The following BFSP2 variants were observed in gnomAD, a reference collection of about 807,000 sequenced individuals.
BFSP2 encodes phakinin.
In BFSP2, 38 loss-of-function variants were observed where a neutral mutation model predicts 44.9. The ratio of observed to expected loss-of-function variants is 0.85; its 90% CI spans 0.65 to 1.11. BFSP2 has a LOEUF of 1.11. Ranked by LOEUF, BFSP2 falls within the 50% of genes least tolerant of loss-of-function variation. The probability of loss-of-function intolerance (pLI) is 0.00; values close to 1 mark genes in which losing one functional copy is unlikely to be tolerated. For missense variants in BFSP2, 525 were observed against 533.0 expected (o/e 0.99, Z 0.15); for synonymous variants, 197 against 209.9 (o/e 0.94, Z 0.53).
intron 1 of BFSP2, among the ~76,000 whole-genome samples, chr3:133,446,582 A>AAAGGAGTT (rs2073900779): frequency 1.2e-4 from 1 of 8,360 alleles, no homozygotes; most frequent in African/African-American, 2.9e-4. Context: ...ATATATATAT[A>AAAGGAGTT]TATATATATA....
intron 1 of BFSP2, among the ~76,000 whole-genome samples, chr3:133,418,773 C>A (rs1417652193): frequency 1.3e-5 from 2 of 152,170 alleles, no homozygotes; most frequent in Non-Finnish European, 2.9e-5. Context: ...CCGTAAGACT[C>A]ATGAGGATAA....
chr3:133,437,406 C>T (rs1008866574), intron 1 of BFSP2, among the ~76,000 whole-genome samples: 4 of 151,790 alleles, frequency 2.6e-5, no homozygotes, highest in African/African-American at 7.3e-5. Context: ...ACCTGTAATC[C>T]CAGCTACCCA....
At chr3:133,448,398 A>G in intron 2 of BFSP2, 91 bp from the exon 3 acceptor site, 9 of 1,465,076 alleles carry the variant, frequency 6.1e-6, no homozygotes, top group South Asian at 4.7e-5. Flanking sequence ...TTGTCTAACT[A>G]TCACATAATT....
At chr3:133,423,734 GT>G (rs1423397804) in intron 1 of BFSP2, among the ~76,000 whole-genome samples, 5 of 152,098 alleles carry the variant, frequency 3.3e-5, no homozygotes, top group Admixed American at 6.6e-5. Flanking sequence ...CTCTGACCTG[GT>G]TCTCTTGGCA....
In BFSP2 at chr3:133,446,272, T is replaced by C. The variant is rs550781484; in HGVS notation, c.490-1045T>C. 1.1e-4 allele frequency among the ~76,000 whole-genome samples: 17 copies of C among 151,714 alleles called. No individual in the cohort carries two copies. The South Asian group carries it at 1.5e-3, about 13-fold the overall frequency. On this transcript the variant is annotated intron_variant, in intron 1 of 6. Coordinates refer to ENST00000302334, the MANE Select transcript of BFSP2 (RefSeq NM_003571.4). ...CCCATCTCTATTAAAAATACAAAAA[T>C]TAGCTGGGCGCAGTGGCACATGCCT...
intron 1 of BFSP2, among the ~76,000 whole-genome samples, chr3:133,409,227 G>GGTGTGTGTGTGTGTGTGTGTGT (rs56156448): frequency 4.7e-5 from 7 of 148,604 alleles, no homozygotes; most frequent in African/African-American, 1.5e-4. Context: ...TTCTGACACT[G>GGTGTGTGTGTGTGTGTGTGTGT]GTGTGTGTGT....
chr3:133,449,685 C>T (rs1576587355), intron 3 of BFSP2, among the ~76,000 whole-genome samples: 1 of 152,044 alleles, frequency 6.6e-6, no homozygotes, highest in East Asian at 1.9e-4. Context: ...CAAGACCAGC[C>T]TGGGCAACAT....
At position 133,451,004 on chromosome 3, in the gene BFSP2, G is replaced by A. The variant is rs987475080; in HGVS notation, c.891+540G>A. On this transcript the variant is annotated intron_variant, in intron 4 of 6. Transcript: ENST00000302334. ...CAGGTGCCTGTAGTCCCCGCTACTC[G>A]GGAGGCTGAGGCAGGAGAATGGTGT... Among the ~76,000 whole-genome samples, 117 of 151,876 alleles carry A rather than the reference G, an allele frequency of 7.7e-4. 1 individual carries two copies. The highest frequency in any genetic ancestry group is 2.8e-3 in the African/African-American group (116 of 41,406).
chr3:133,444,780 C>A lies in BFSP2; in HGVS notation c.490-2537C>A, dbSNP rs772851051. Reference sequence around the variant, plus strand: ...CCACCTACCCTATGATCACATCGTTCGTCCAGGCCACCATCATTAATAAAA... The same window carrying A: ...CCACCTACCCTATGATCACATCGTTAGTCCAGGCCACCATCATTAATAAAA... On this transcript the variant is annotated intron_variant, in intron 1 of 6. Transcript: ENST00000302334. Among the ~76,000 whole-genome samples the A allele has an allele frequency of 3.3e-5, 5 of 152,306 alleles. 1 individual carries two copies. The South Asian group carries it at 1.0e-3, about 32-fold the overall frequency.
At chr3:133,426,014 G>A (rs12490879) in intron 1 of BFSP2, among the ~76,000 whole-genome samples, 528 of 4,756 alleles carry the variant, frequency 0.11, 182 homozygotes, top group East Asian at 0.22. Flanking sequence ...GAAAGGAAGG[G>A]AAGGGAAGGG....
In BFSP2 at chr3:133,438,519, A is replaced by G. The variant is rs537457764; in HGVS notation, c.490-8798A>G. ...CACTGCACTCCAGCCTGGGTGGCAG[A>G]GTGGGACTCCATCTCAGAAACAAAA... On this transcript the variant is annotated intron_variant, in intron 1 of 6. Coordinates refer to ENST00000302334, the MANE Select transcript of BFSP2 (RefSeq NM_003571.4). Among the ~76,000 whole-genome samples the G allele has an allele frequency of 2.0e-5, 3 of 152,288 alleles. No individual in the cohort carries two copies. The East Asian group carries it at 5.8e-4, about 29-fold the overall frequency.
intron 4 of BFSP2, among the ~76,000 whole-genome samples, chr3:133,462,302 T>A (rs9289447): frequency 0.18 from 27,331 of 152,174 alleles, 3,242 homozygotes; most frequent in Non-Finnish European, 0.26. Context: ...ATTAAGAGAG[T>A]GTGAAAAACC....
chr3:133,428,232 G>T (rs980444996), intron 1 of BFSP2, among the ~76,000 whole-genome samples: 98 of 152,138 alleles, frequency 6.4e-4, no homozygotes, highest in Non-Finnish European at 7.1e-4. Flanking sequence ...GGGCCACGTA[G>T]TATGGAAGTG....
chr3:133,474,161 C>T (rs2074191939), intron 6 of BFSP2, among the ~76,000 whole-genome samples: 1 of 152,180 alleles, frequency 6.6e-6, no homozygotes, highest in Non-Finnish European at 1.5e-5. Context: ...CCAACTCTTT[C>T]CAGAAACCCA....
intron 1 of BFSP2, among the ~76,000 whole-genome samples, chr3:133,442,370 G>T (rs1172033254): frequency 1.3e-5 from 2 of 152,106 alleles, no homozygotes; most frequent in South Asian, 4.1e-4. Context: ...GCCCAGGCTG[G>T]TCTCAAACTT....
intron 1 of BFSP2, chr3:133,410,759 T>A (rs2073444677): frequency 4.5e-6 from 1 of 220,220 alleles, no homozygotes; most frequent in Non-Finnish European, 1.0e-5. Flanking sequence ...GCCAATCCCA[T>A]GGTGACAGCA....
chr3:133,438,643 G>T (rs1276038330), intron 1 of BFSP2, among the ~76,000 whole-genome samples: 1 of 152,146 alleles, frequency 6.6e-6, no homozygotes, highest in East Asian at 1.9e-4. Context: ...GGTCTTCAGT[G>T]CTGTTTAACT....
intron 1 of BFSP2, among the ~76,000 whole-genome samples, chr3:133,406,313 A>G (rs1443190435): frequency 6.6e-6 from 1 of 152,216 alleles, no homozygotes; most frequent in African/African-American, 2.4e-5. Flanking sequence ...ATGTGTCTGG[A>G]AAGCAAGAGA....
intron 1 of BFSP2, among the ~76,000 whole-genome samples, chr3:133,402,134 C>A (rs1336365558): frequency 6.6e-6 from 1 of 152,184 alleles, no homozygotes; most frequent in Non-Finnish European, 1.5e-5. Context: ...CCTAGATACT[C>A]CAATATGTCA....
Sources: allele counts gnomAD v4.1 joint callset (sites outside exome capture counted in the v4.1 genomes callset), GRCh38; gene constraint gnomAD v4.1.1; transcripts MANE v1.5; gene names NCBI Gene and HGNC (gene_info 2026-07-23, HGNC 2026-07-21).